Variants in SORCS2 observed in about 807,000 individuals in gnomAD.
The protein encoded by SORCS2 is sortilin related VPS10 domain containing receptor 2.
Under a neutral mutation model 141.6 loss-of-function variants are expected in SORCS2, and 100 were observed. The observed-to-expected ratio is 0.71, with a 90% CI of 0.60 to 0.83. SORCS2 has a LOEUF of 0.83. Ranked by LOEUF, SORCS2 falls within the 40% of genes least tolerant of loss-of-function variation. The pLI is 0.00. For missense variants in SORCS2, 1,646 were observed against 1,560.2 expected (o/e 1.05, Z -0.93); for synonymous variants, 789 against 676.9 (o/e 1.17, Z -2.57).
chr4:7,321,763 G>T (rs1371287750), intron 1 of SORCS2, among the ~76,000 whole-genome samples: 2 of 152,194 alleles, frequency 1.3e-5, no homozygotes, highest in East Asian at 3.8e-4. Context: ...GTGGGCAGGG[G>T]ACAGCTGGGG....
Position 7,676,192 on chromosome 4 carries a change from G to T in SORCS2, c.1304G>T (p.Arg435Leu). The T allele has an allele frequency of 1.3e-6, 2 of 1,552,704 alleles. No individual in the cohort carries two copies. The highest frequency in any genetic ancestry group is 1.7e-6 in the Non-Finnish European group (2 of 1,147,744). ...GTGCTGCAGGACGTGCGCAGCTCAC[G>T]GCAGGCGGAGGAGAGCGTGCTCATC... is the stretch of plus-strand genomic sequence containing the variant. ...ALVLQDVRSS[R>L]QAEESVLIDI... Residue 435 changes from arginine (R) to leucine (L), a missense_variant, in exon 9 of 27, where the codon CGG becomes CTG. Physicochemically the swap from Arg to Leu is moderately radical, Grantham distance 102 (BLOSUM62 -2). Coordinates refer to ENST00000507866, the MANE Select transcript of SORCS2 (RefSeq NM_020777.3).
chr4:7,691,657 C>T (rs1265155849), intron 11 of SORCS2, among the ~76,000 whole-genome samples: 10 of 152,128 alleles, frequency 6.6e-5, no homozygotes, highest in South Asian at 2.1e-4. Context: ...AATGTGAAGC[C>T]GCTGACTGCC....
At chr4:7,577,566 A>G (rs1715835990) in intron 3 of SORCS2, among the ~76,000 whole-genome samples, 1 of 150,106 alleles carries the variant, frequency 6.7e-6, no homozygotes, top group African/African-American at 2.5e-5. Context: ...GGTTTGGAGA[A>G]GTTATATAGC....
chr4:7,659,776 T>G (rs1722032247), intron 5 of SORCS2, among the ~76,000 whole-genome samples: 1 of 152,204 alleles, frequency 6.6e-6, no homozygotes, highest in Non-Finnish European at 1.5e-5. Flanking sequence ...AGGGCACATG[T>G]AGACTCCAGC....
chr4:7,697,064 C>T (rs761987927), intron 11 of SORCS2, 134 bp from the exon 12 acceptor site: 1 of 698,632 alleles, frequency 1.4e-6, no homozygotes. Context: ...GCAGCAGCCA[C>T]AGCAGGTCTG....
At chr4:7,630,742 G>C (rs1005288483) in intron 3 of SORCS2, among the ~76,000 whole-genome samples, 9 of 152,196 alleles carry the variant, frequency 5.9e-5, no homozygotes, top group Non-Finnish European at 2.9e-5. Flanking sequence ...TCAGATCCGG[G>C]GGTGGAGGCT....
intron 3 of SORCS2, among the ~76,000 whole-genome samples, chr4:7,561,600 C>T (rs1244466932): frequency 6.9e-6 from 1 of 144,124 alleles, no homozygotes; most frequent in African/African-American, 2.7e-5. Flanking sequence ...ATCCATCTAT[C>T]CATCTATCTA....
intron 22 of SORCS2, 117 bp downstream of exon 22, chr4:7,728,579 C>T (rs999111411): frequency 3.9e-5 from 26 of 668,702 alleles, no homozygotes; most frequent in African/African-American, 3.8e-4. Flanking sequence ...CCCCCGCACA[C>T]GATGCTCTGG....
intron 2 of SORCS2, among the ~76,000 whole-genome samples, chr4:7,523,265 T>C (rs1356190992): frequency 6.6e-6 from 1 of 152,016 alleles, no homozygotes; most frequent in Non-Finnish European, 1.5e-5. Flanking sequence ...GATCCACGAG[T>C]GTCAGTGCTA....
At chr4:7,384,210 G>C (rs1436796002) in intron 1 of SORCS2, among the ~76,000 whole-genome samples, 1 of 152,158 alleles carries the variant, frequency 6.6e-6, no homozygotes, top group Non-Finnish European at 1.5e-5. Context: ...TGAGTGGCAA[G>C]ACTTGGGGCA....
intron 2 of SORCS2, among the ~76,000 whole-genome samples, chr4:7,509,461 G>A (rs1431601675): frequency 6.6e-6 from 1 of 152,206 alleles, no homozygotes; most frequent in Non-Finnish European, 1.5e-5. Flanking sequence ...GCAGCAGGGG[G>A]ATGACGGCAC....
At chr4:7,379,031 G>A (rs185393124) in intron 1 of SORCS2, among the ~76,000 whole-genome samples, 204 of 152,272 alleles carry the variant, frequency 1.3e-3, no homozygotes, top group African/African-American at 4.1e-3. Context: ...TGTTTTATGC[G>A]TGTGATTTAC....
chr4:7,322,479 G>A (rs1013139852), intron 1 of SORCS2, among the ~76,000 whole-genome samples: 1 of 152,218 alleles, frequency 6.6e-6, no homozygotes, highest in South Asian at 2.1e-4. Flanking sequence ...GAAGGCCAGA[G>A]TTGGCCTCAT....
chr4:7,502,601 T>A (rs976057571), intron 2 of SORCS2, among the ~76,000 whole-genome samples: 3 of 152,232 alleles, frequency 2.0e-5, no homozygotes, highest in Non-Finnish European at 4.4e-5. Context: ...CTTGATCACC[T>A]TGTCCCTTCC....
intron 2 of SORCS2, among the ~76,000 whole-genome samples, chr4:7,451,121 CGAAT>C (rs1217502306): frequency 1.3e-5 from 2 of 151,494 alleles, no homozygotes; most frequent in Non-Finnish European, 2.9e-5. Context: ...AGTGAATGAA[CGAAT>C]GAGTGAGTGA....
intron 2 of SORCS2, among the ~76,000 whole-genome samples, chr4:7,527,949 T>C (rs1221976061): frequency 6.6e-6 from 1 of 152,036 alleles, no homozygotes; most frequent in Non-Finnish European, 1.5e-5. Flanking sequence ...CCCCTTAGCG[T>C]CTCCCAGGAC....
intron 16 of SORCS2, among the ~76,000 whole-genome samples, chr4:7,714,935 T>C (rs1243252579): frequency 1.3e-5 from 2 of 152,160 alleles, no homozygotes; most frequent in East Asian, 3.9e-4. Context: ...TCCTTTGAGA[T>C]TTGCTCACCT....
At chr4:7,671,585 G>A (rs953586752) in intron 8 of SORCS2, among the ~76,000 whole-genome samples, 3 of 152,130 alleles carry the variant, frequency 2.0e-5, no homozygotes, top group African/African-American at 7.2e-5. Flanking sequence ...TTACTAGAGG[G>A]ATTCGAAAGC....
chr4:7,305,243 G>A (rs932838178), intron 1 of SORCS2, among the ~76,000 whole-genome samples: 2 of 152,158 alleles, frequency 1.3e-5, no homozygotes, highest in Non-Finnish European at 2.9e-5. Flanking sequence ...GTGTTAGCCA[G>A]GATGGTCTCG....
Sources: allele counts gnomAD v4.1 joint callset (sites outside exome capture counted in the v4.1 genomes callset), GRCh38; gene constraint gnomAD v4.1.1; transcripts MANE v1.5; gene names NCBI Gene and HGNC (gene_info 2026-07-23, HGNC 2026-07-21).